Variants in FSTL4 observed in about 807,000 individuals in gnomAD.
FSTL4 encodes follistatin like 4, also known as follistatin-related protein 4.
Under a neutral mutation model 78.2 loss-of-function variants are expected in FSTL4, and 28 were observed. The observed-to-expected ratio is 0.36, with a 90% CI of 0.27 to 0.49. The LOEUF (loss-of-function observed/expected upper bound fraction) is 0.49. FSTL4 is among the 20% of genes least tolerant of loss of function. The pLI is 0.98. For synonymous variants in FSTL4, 422 were observed against 440.5 expected (o/e 0.96, Z 0.53); for missense variants, 922 against 1,084.9 (o/e 0.85, Z 2.11).
upstream of FSTL4, among the ~76,000 whole-genome samples, chr5:133,615,164 G>C (rs920675058): frequency 2.0e-5 from 3 of 152,296 alleles, no homozygotes; most frequent in South Asian, 6.2e-4. Flanking sequence ...CTGTGGGTCA[G>C]CTTACCCTTG....
At chr5:133,281,353 G>A (rs1310468714) in intron 6 of FSTL4, among the ~76,000 whole-genome samples, 2 of 152,158 alleles carry the variant, frequency 1.3e-5, no homozygotes, top group African/African-American at 4.8e-5. Context: ...GGACTTAGGA[G>A]GCAGATAATA....
chr5:133,621,625 A>T, the FSTL4 span, among the ~76,000 whole-genome samples: 1 of 152,132 alleles, frequency 6.6e-6, no homozygotes, highest in African/African-American at 2.4e-5. Context: ...CGGGTGAGGG[A>T]TAAAAGACTA....
intron 3 of FSTL4, among the ~76,000 whole-genome samples, chr5:133,536,265 C>T (rs1000098066): frequency 4.6e-5 from 7 of 152,100 alleles, no homozygotes; most frequent in African/African-American, 1.7e-4. Context: ...AATTTTTAGT[C>T]TATATTCTTC....
At chr5:133,719,400 T>C in the FSTL4 span, among the ~76,000 whole-genome samples, 1 of 152,180 alleles carries the variant, frequency 6.6e-6, no homozygotes, top group Non-Finnish European at 1.5e-5. Flanking sequence ...CCAGGCGCGA[T>C]GGCTCACACC....
the FSTL4 span, among the ~76,000 whole-genome samples, chr5:133,664,320 T>TTAA: frequency 6.6e-6 from 1 of 151,260 alleles, no homozygotes; most frequent in African/African-American, 2.4e-5. Context: ...CTTTTTTTTT[T>TTAA]AAAAAAAATT....
At chr5:133,276,951 G>A (rs4958087) in intron 6 of FSTL4, among the ~76,000 whole-genome samples, 43,211 of 152,026 alleles carry the variant, frequency 0.28, 7,256 homozygotes, top group East Asian at 0.56. Context: ...GCACACAGAG[G>A]TCATTCTGTA....
At chr5:133,642,157 A>C in the FSTL4 span, among the ~76,000 whole-genome samples, 2 of 152,140 alleles carry the variant, frequency 1.3e-5, no homozygotes, top group Non-Finnish European at 2.9e-5. Flanking sequence ...AGGAAATGGG[A>C]TCAGAGAGGG....
chr5:133,316,512 T>G lies in FSTL4; in HGVS notation c.550A>C (p.Arg184=). Residue 184 remains arginine (R), a synonymous_variant, in exon 5 of 16, where the codon AGG becomes CGG. Coordinates refer to ENST00000265342, the MANE Select transcript of FSTL4 (RefSeq NM_015082.2). Reference sequence around the variant, plus strand: ...CCATTGCCATCTGCATCTAAGTCCCTGAACAGAGATTCCACCAGGAGGCGC... The same window carrying G: ...CCATTGCCATCTGCATCTAAGTCCCGGAACAGAGATTCCACCAGGAGGCGC... The part of the protein sequence containing the change: ...QKRLLVESLF[R]DLDADGNGHL... The G allele has an allele frequency of 6.2e-7, 1 of 1,614,178 alleles. No homozygotes were observed. The highest frequency in any genetic ancestry group is 8.5e-7 in the Non-Finnish European group (1 of 1,180,022).
chr5:133,361,865 A>C lies in FSTL4; in HGVS notation c.409+38873T>G, dbSNP rs1362053705. 6.6e-6 allele frequency among the ~76,000 whole-genome samples: 1 copy of C among 152,232 alleles called. No homozygotes were observed. Among genetic ancestry groups the C allele is most frequent in the African/African-American group, 2.4e-5 (1 of 41,466 alleles). On this transcript the variant is annotated intron_variant, in intron 4 of 15. Transcript: ENST00000265342. This position sits in a 1 kb window ranked among gnomAD's most constrained non-coding sequence, Gnocchi z 4.3. ...TTGTATAAGACAGTCCTTCACAACA[A>C]TACATTGTCACATGCCCCCATTTTT...
At chr5:133,752,374 A>G in the FSTL4 span, among the ~76,000 whole-genome samples, 1 of 152,068 alleles carries the variant, frequency 6.6e-6, no homozygotes, top group Non-Finnish European at 1.5e-5. Context: ...TTTCCCAGTA[A>G]CTGCCTGGCC....
the FSTL4 span, among the ~76,000 whole-genome samples, chr5:133,640,692 G>C: frequency 1.3e-5 from 2 of 152,282 alleles, no homozygotes; most frequent in East Asian, 3.9e-4. Flanking sequence ...ATGAAAATAA[G>C]AATGGGATAA....
chr5:133,544,555 G>A (rs1169046516), intron 3 of FSTL4, among the ~76,000 whole-genome samples: 2 of 152,190 alleles, frequency 1.3e-5, no homozygotes, highest in Non-Finnish European at 2.9e-5. Context: ...CACGAGATGA[G>A]CACCACACTC....
intron 4 of FSTL4, among the ~76,000 whole-genome samples, chr5:133,357,795 G>A (rs910475707): frequency 3.3e-5 from 5 of 152,072 alleles, no homozygotes; most frequent in Non-Finnish European, 5.9e-5. Context: ...ACTTGGGCTC[G>A]GAGACACCCA....
the FSTL4 span, among the ~76,000 whole-genome samples, chr5:133,651,800 A>G: frequency 1.3e-5 from 2 of 152,188 alleles, no homozygotes; most frequent in Admixed American, 6.5e-5. Flanking sequence ...GACCTCATAG[A>G]ATGACTTAGA....
chr5:133,224,387 G>T, intron 10 of FSTL4, 171 bp from the exon 11 acceptor site: 1 of 527,360 alleles, frequency 1.9e-6, no homozygotes. Flanking sequence ...CTTGGGGGAA[G>T]CTCTGGACAT....
the FSTL4 span, among the ~76,000 whole-genome samples, chr5:133,703,706 A>T: frequency 6.6e-6 from 1 of 152,246 alleles, no homozygotes; most frequent in South Asian, 2.1e-4. Context: ...GTAGAAACAG[A>T]TAATGAGACG....
chr5:133,627,986 C>G, the FSTL4 span, among the ~76,000 whole-genome samples: 1 of 151,994 alleles, frequency 6.6e-6, no homozygotes, highest in Non-Finnish European at 1.5e-5. Context: ...TCACTCAAAA[C>G]CACACAACTA....
chr5:133,529,404 C>T (rs1489149529), intron 3 of FSTL4, among the ~76,000 whole-genome samples: 1 of 152,148 alleles, frequency 6.6e-6, no homozygotes, highest in Non-Finnish European at 1.5e-5. Flanking sequence ...GAGACAAAAA[C>T]CAACCCAGAC....
At chr5:133,266,381 C>T (rs529852841) in intron 6 of FSTL4, among the ~76,000 whole-genome samples, 5 of 152,382 alleles carry the variant, frequency 3.3e-5, no homozygotes, top group South Asian at 2.1e-4. Flanking sequence ...TCCTTGTACA[C>T]GCAGGGCAAT....
Sources: gnomAD v4.1 joint callset for allele counts (sites outside exome capture counted in the v4.1 genomes callset) on GRCh38, gnomAD v4.1.1 for gene constraint, Gnocchi (gnomAD v3.1) non-coding constraint, MANE v1.5 for transcripts, NCBI Gene and HGNC (gene_info 2026-07-23, HGNC 2026-07-21) for gene names.